The following USP34 variants were observed in gnomAD, a reference collection of about 807,000 sequenced individuals.
USP34 encodes the protein ubiquitin carboxyl-terminal hydrolase 34.
USP34 carries 70 observed loss-of-function variants against 460.3 expected under a neutral mutation model. That is an observed-to-expected ratio of 0.15 (90% CI 0.13 to 0.19). The LOEUF is 0.19. Ranked by LOEUF, USP34 falls within the 10% of genes least tolerant of loss-of-function variation. USP34 has a pLI of 1.00. For missense variants in USP34, 3,985 were observed against 4,236.2 expected (o/e 0.94, Z 1.65); for synonymous variants, 1,647 against 1,405.3 (o/e 1.17, Z -3.85).
At chr2:61,201,139 ACT>A (rs1218269422) in intron 75 of USP34, among the ~76,000 whole-genome samples, 1 of 151,604 alleles carries the variant, frequency 6.6e-6, no homozygotes, top group Non-Finnish European at 1.5e-5. Flanking sequence ...AGTTCTCAAC[ACT>A]CACAAATGAT....
At position 61,211,816 on chromosome 2, in the gene USP34, G is replaced by A. The variant is rs1047424168; in HGVS notation, c.8796C>T (p.Tyr2932=). The stretch of plus-strand genomic sequence containing the variant: ...AGGAGCGGCCATCTAAGCAACGTAA[G>A]TAACAACTTATGGTTGTTTTCTTGA... ...KQFKKTTISC[Y]LRCLDGRSCW... The change falls in exon 69 of 80, where the codon TAC becomes TAT. Residue 2932 remains tyrosine, a synonymous_variant. Coordinates refer to ENST00000398571, the MANE Select transcript of USP34 (RefSeq NM_014709.4). 9.4e-6 allele frequency: 15 copies of A among 1,600,566 alleles called. No homozygotes were observed. Among genetic ancestry groups the A allele is most frequent in the Non-Finnish European group, 1.2e-5 (14 of 1,175,792 alleles).
At chr2:61,350,452 C>G (rs1558543772) in intron 11 of USP34, 63 bp from the exon 12 acceptor site, 4 of 1,571,258 alleles carry the variant, frequency 2.5e-6, no homozygotes, top group Non-Finnish European at 3.4e-6. Context: ...AATTTAATAT[C>G]CTTTTTGTCA....
At chr2:61,315,968 G>A (rs1690731171) in intron 23 of USP34, among the ~76,000 whole-genome samples, 1 of 151,732 alleles carries the variant, frequency 6.6e-6, no homozygotes, top group African/African-American at 2.4e-5. Flanking sequence ...GGGAGGCTGA[G>A]GCAGGCAGAC....
intron 41 of USP34, among the ~76,000 whole-genome samples, chr2:61,275,863 C>T (rs1020603015): frequency 1.3e-5 from 2 of 151,978 alleles, no homozygotes; most frequent in African/African-American, 4.8e-5. Flanking sequence ...TTTAAAGCCT[C>T]AAAAATTTGT....
chr2:61,400,679 G>A, intron 3 of USP34, among the ~76,000 whole-genome samples: 1 of 151,936 alleles, frequency 6.6e-6, no homozygotes, highest in East Asian at 1.9e-4. Context: ...GCAAGACCCT[G>A]CCTCCTCAAA....
intron 10 of USP34, among the ~76,000 whole-genome samples, chr2:61,369,113 GATATC>G (rs1360764627): frequency 6.6e-6 from 1 of 152,134 alleles, no homozygotes; most frequent in Non-Finnish European, 1.5e-5. Flanking sequence ...AAATACCAAT[GATATC>G]ACTTTTCACC....
At chr2:61,271,453 T>C (rs1224602089) in intron 41 of USP34, among the ~76,000 whole-genome samples, 1 of 152,198 alleles carries the variant, frequency 6.6e-6, no homozygotes, top group Non-Finnish European at 1.5e-5. Flanking sequence ...ACAAATGTAC[T>C]GTTTGACTGT....
intron 2 of USP34, chr2:61,417,006 G>T (rs1694216778): frequency 7.6e-7 from 1 of 1,324,288 alleles, no homozygotes; most frequent in Non-Finnish European, 1.1e-6. Flanking sequence ...CATTGAACTT[G>T]GTGAAGCCCC....
At chr2:61,214,774 C>T in intron 67 of USP34, 80 bp from the exon 68 acceptor site, 2 of 1,454,862 alleles carry the variant, frequency 1.4e-6, no homozygotes, top group Non-Finnish European at 1.9e-6. Context: ...CACAAAGCCA[C>T]TGTTCCCTTT....
intron 1 of USP34, among the ~76,000 whole-genome samples, chr2:61,456,581 C>A (rs1361682000): frequency 6.6e-6 from 1 of 152,038 alleles, no homozygotes; most frequent in African/African-American, 2.4e-5. Context: ...CTTTAGGAAG[C>A]CAAAGTAGGG....
intron 22 of USP34, among the ~76,000 whole-genome samples, chr2:61,318,451 G>C (rs1192272521): frequency 6.6e-6 from 1 of 151,990 alleles, no homozygotes; most frequent in African/African-American, 2.4e-5. Context: ...CTCTGTCTTG[G>C]GTCTGTTAAG....
chr2:61,380,021 G>A, intron 7 of USP34, 148 bp downstream of exon 7: 1 of 590,690 alleles, frequency 1.7e-6, no homozygotes, highest in Non-Finnish European at 2.7e-6. Flanking sequence ...GAGAAACACA[G>A]AAATTATTTG....
At position 61,311,134 on chromosome 2, in the gene USP34, T is replaced by G. The variant is rs536196362; in HGVS notation, c.3817+406A>C. Among the ~76,000 whole-genome samples, 4 of 152,324 alleles carry G rather than the reference T, an allele frequency of 2.6e-5. No individual in the cohort carries two copies. In the South Asian group the frequency reaches 6.2e-4, roughly 24 times the overall value. On this transcript the variant is annotated intron_variant, in intron 27 of 79. Coordinates refer to ENST00000398571, the MANE Select transcript of USP34 (RefSeq NM_014709.4). ...TTTTTGTTCTCTCTGAAAATTCATG[T>G]TGAACATTAATCTCCAATGCAACAG...
chr2:61,351,867 C>T (rs1684398660), intron 10 of USP34, among the ~76,000 whole-genome samples: 1 of 152,148 alleles, frequency 6.6e-6, no homozygotes, highest in Non-Finnish European at 1.5e-5. Context: ...TACTTCAATA[C>T]TACAAACAGT....
intron 1 of USP34, among the ~76,000 whole-genome samples, chr2:61,426,445 C>T (rs895437307): frequency 8.5e-5 from 13 of 152,106 alleles, no homozygotes; most frequent in African/African-American, 2.7e-4. Context: ...AGAGAAACAT[C>T]GGTGAGTCTG....
intron 41 of USP34, among the ~76,000 whole-genome samples, chr2:61,266,853 A>G (rs547903242): frequency 6.6e-6 from 1 of 152,320 alleles, no homozygotes; most frequent in Non-Finnish European, 1.5e-5. Flanking sequence ...CGTCACTGGT[A>G]AGTAAACAGC....
chr2:61,318,952 A>T (rs184322881), intron 22 of USP34, among the ~76,000 whole-genome samples: 95 of 152,344 alleles, frequency 6.2e-4, no homozygotes, highest in Non-Finnish European at 1.1e-3. Flanking sequence ...TAGCTAATAG[A>T]ACATTTTTAT....
intron 5 of USP34, among the ~76,000 whole-genome samples, chr2:61,386,944 A>T (rs1693165123): frequency 6.6e-6 from 1 of 152,214 alleles, no homozygotes; most frequent in Non-Finnish European, 1.5e-5. Context: ...CACAACAGTG[A>T]AAAGCAACAC....
intron 62 of USP34, among the ~76,000 whole-genome samples, chr2:61,224,556 G>A (rs1687676114): frequency 6.6e-6 from 1 of 152,126 alleles, no homozygotes; most frequent in Admixed American, 6.6e-5. Context: ...TCATTAATTA[G>A]CTTGAATACA....
Sources: allele counts gnomAD v4.1 joint callset (sites outside exome capture counted in the v4.1 genomes callset), GRCh38; gene constraint gnomAD v4.1.1; transcripts MANE v1.5; gene names NCBI Gene and HGNC (gene_info 2026-07-23, HGNC 2026-07-21).